The following MED13 variants were observed in gnomAD, a reference collection of about 807,000 sequenced individuals.
MED13 encodes mediator complex subunit 13.
In MED13, 23 loss-of-function variants were observed where a neutral mutation model predicts 225.2. The observed-to-expected ratio is 0.10, with a 90% CI of 0.07 to 0.14. The LOEUF (loss-of-function observed/expected upper bound fraction) is 0.14. MED13 is among the 10% of genes least tolerant of loss of function. The probability of loss-of-function intolerance (pLI) is 1.00; values close to 1 mark genes in which losing one functional copy is unlikely to be tolerated. For synonymous variants in MED13, 942 were observed against 889.2 expected (o/e 1.06, Z -1.06); for missense variants, 2,197 against 2,594.5 (o/e 0.85, Z 3.33).
At chr17:62,008,345 T>TAAAAAAAAAAA (rs2080474433) in intron 9 of MED13, among the ~76,000 whole-genome samples, 1 of 101,810 alleles carries the variant, frequency 9.8e-6, no homozygotes, top group African/African-American at 4.6e-5. Context: ...AAAAAAAAAT[T>TAAAAAAAAAAA]GAGTTAGCCT....
chr17:61,992,223 T>C (rs964829651), intron 11 of MED13, among the ~76,000 whole-genome samples: 3 of 152,220 alleles, frequency 2.0e-5, no homozygotes, highest in Non-Finnish European at 4.4e-5. Context: ...TGTGCCTTCA[T>C]TCTTTTACTT....
chr17:61,972,539 T>A (rs917257707), intron 17 of MED13, among the ~76,000 whole-genome samples, 188 bp downstream of exon 17: 1 of 151,908 alleles, frequency 6.6e-6, no homozygotes. Context: ...CCTTTTGAAG[T>A]GGAGTTGGAG....
At chr17:62,058,439 T>TGAACCTGG (rs1397979895) in intron 2 of MED13, among the ~76,000 whole-genome samples, 1 of 147,654 alleles carries the variant, frequency 6.8e-6, no homozygotes, top group African/African-American at 2.5e-5. Context: ...AAGGATCGCT[T>TGAACCTGG]GAACCTGGGA....
At chr17:61,993,748 G>A (rs988705655) in intron 10 of MED13, among the ~76,000 whole-genome samples, 1 of 151,726 alleles carries the variant, frequency 6.6e-6, no homozygotes, top group African/African-American at 2.4e-5. Context: ...TGACCAACAT[G>A]GAGAAATCTC....
chr17:61,982,298 T>C lies in MED13; in HGVS notation c.3705A>G (p.Ala1235=), dbSNP rs371892509. ...CCATGAACTGACGCCCATGTTCTAA[T>C]GCAAGGTAGCAGTCATTGCAACAGT... ...ERDCCNDCYL[A]LEHGRQFMDN... Residue 1235 remains alanine, a synonymous_variant, in exon 16 of 30, where the codon GCA becomes GCG. Transcript: ENST00000397786. The C allele has an allele frequency of 5.6e-6, 9 of 1,614,130 alleles. No homozygotes were observed. The highest frequency in any genetic ancestry group is 7.6e-6 in the Non-Finnish European group (9 of 1,180,052).
intron 23 of MED13, among the ~76,000 whole-genome samples, chr17:61,957,860 TG>T (rs2079961484): frequency 6.6e-6 from 1 of 152,050 alleles, no homozygotes; most frequent in South Asian, 2.1e-4. Flanking sequence ...TGAGCAACAG[TG>T]GCTATTACTT....
At position 61,965,547 on chromosome 17, in the gene MED13, A is replaced by G. The variant is rs1386462137; in HGVS notation, c.4382-79T>C. 19 of 1,340,258 alleles carry G rather than the reference A, an allele frequency of 1.4e-5. No homozygotes were observed. The East Asian group carries it at 3.7e-4, about 26-fold the overall frequency. 83.0% of individuals were successfully genotyped at this position (1,340,258 alleles called of 1,614,324 possible). On this transcript the variant is annotated intron_variant, in intron 19 of 29. Transcript: ENST00000397786. The stretch of plus-strand genomic sequence containing the variant: ...TTTTAAATTCTACTGTGTAAACAGA[A>G]TCATAATCCAGTTGATGTTTTCTTG...
chr17:61,999,562 T>C (rs2080376278), intron 9 of MED13, among the ~76,000 whole-genome samples: 2 of 152,228 alleles, frequency 1.3e-5, no homozygotes, highest in Admixed American at 1.3e-4. Context: ...GGTTATGCTA[T>C]GTTCCACTCC....
Position 61,944,366 on chromosome 17 carries a change from A to G in MED13, c.*2102T>C, listed in dbSNP as rs2079836855. ...ATAAGCACATTTTCCTTCAAATCTC[A>G]GACAAGTTTTTTTTTTTTTTTTAAA... On this transcript the variant is annotated 3_prime_UTR_variant, in exon 30 of 30. Coordinates refer to ENST00000397786, the MANE Select transcript of MED13 (RefSeq NM_005121.3). 1 of 150,768 alleles carries G rather than the reference A, an allele frequency of 6.6e-6. No individual in the cohort carries two copies. Among genetic ancestry groups the G allele is most frequent in the Non-Finnish European group, 1.5e-5 (1 of 67,588 alleles). The allele number at this position is 150,768 out of a possible 1,614,324, so 9.3% of individuals were successfully genotyped here.
intron 8 of MED13, among the ~76,000 whole-genome samples, chr17:62,018,492 G>A (rs1348707913): frequency 6.6e-6 from 1 of 152,076 alleles, no homozygotes; most frequent in African/African-American, 2.4e-5. Flanking sequence ...ATTACTTGAG[G>A]CCAGGAGTTC....
intron 4 of MED13, among the ~76,000 whole-genome samples, chr17:62,034,515 C>T (rs2080785677): frequency 6.6e-6 from 1 of 151,284 alleles, no homozygotes; most frequent in Admixed American, 6.6e-5. Flanking sequence ...AATTGTCTGC[C>T]CAAACTCTTA....
chr17:62,008,688 C>A (rs1343518082), intron 9 of MED13, among the ~76,000 whole-genome samples: 1 of 151,852 alleles, frequency 6.6e-6, no homozygotes, highest in Admixed American at 6.6e-5. Context: ...CCCCCCGCCG[C>A]CCCCTCCCCC....
intron 11 of MED13, among the ~76,000 whole-genome samples, chr17:61,991,912 C>A (rs1390240706): frequency 6.6e-6 from 1 of 152,164 alleles, no homozygotes; most frequent in Non-Finnish European, 1.5e-5. Context: ...TCCCAAAGTG[C>A]TGGGATTACG....
chr17:61,950,316 C>T (rs1278574538), intron 28 of MED13, among the ~76,000 whole-genome samples: 3 of 151,674 alleles, frequency 2.0e-5, no homozygotes, highest in Non-Finnish European at 4.4e-5. Context: ...TCAATCTACA[C>T]TAACAACAAG....
intron 9 of MED13, chr17:62,004,960 A>C (rs1603400726): frequency 7.1e-6 from 1 of 140,044 alleles, no homozygotes; most frequent in South Asian, 2.2e-4. Flanking sequence ...AGTGCAGTGG[A>C]GTGATCTCTG....
intron 3 of MED13, among the ~76,000 whole-genome samples, chr17:62,048,979 G>T (rs2080928078): frequency 6.7e-6 from 1 of 149,884 alleles, no homozygotes; most frequent in South Asian, 2.1e-4. Flanking sequence ...TCTGCGGTTT[G>T]ACTCAGAATT....
intron 9 of MED13, chr17:62,004,650 G>C (rs2080428051): frequency 1.3e-5 from 2 of 152,224 alleles, no homozygotes. Context: ...CAATCTTACA[G>C]ATCAGGAGAA....
rs780348259 is a variant in MED13 at position 61,980,763 on chromosome 17, CAG to C, written c.3805+1433_3805+1434del. ...AACGCTATTTTCCACACAATAGCAACAGAGTGTCTTGCTCTGTTGCCCAGGCT... is the reference window on the plus strand; with the variant it reads ...AACGCTATTTTCCACACAATAGCAACAGTGTCTTGCTCTGTTGCCCAGGCT... On this transcript the variant is annotated intron_variant, in intron 16 of 29. Transcript: ENST00000397786. Among the ~76,000 whole-genome samples, 18 of 152,202 alleles carry C rather than the reference CAG, an allele frequency of 1.2e-4. 1 individual carries two copies. In the East Asian group the frequency reaches 2.5e-3, roughly 21 times the overall value.
chr17:62,028,679 TAAAAA>T, intron 8 of MED13, among the ~76,000 whole-genome samples: 1 of 141,682 alleles, frequency 7.1e-6, no homozygotes, highest in South Asian at 2.3e-4. Context: ...GTCTCTACTT[TAAAAA>T]AAAAAAAAAA....
Sources: allele counts gnomAD v4.1 joint callset (sites outside exome capture counted in the v4.1 genomes callset), GRCh38; gene constraint gnomAD v4.1.1; transcripts MANE v1.5; gene names NCBI Gene and HGNC (gene_info 2026-07-23, HGNC 2026-07-21).